Variants in PRKCE observed in about 807,000 individuals in gnomAD.
PRKCE encodes protein kinase C epsilon type.
A neutral mutation model predicts 85.4 loss-of-function variants in PRKCE; 16 were observed. That is an observed-to-expected ratio of 0.19 (90% CI 0.13 to 0.28). The LOEUF (loss-of-function observed/expected upper bound fraction) is 0.28. Ranked by LOEUF, PRKCE falls within the 10% of genes least tolerant of loss-of-function variation. PRKCE has a pLI of 1.00. For synonymous variants in PRKCE, 388 were observed against 371.5 expected (o/e 1.04, Z -0.51); for missense variants, 573 against 975.2 (o/e 0.59, Z 5.49).
intron 1 of PRKCE, among the ~76,000 whole-genome samples, chr2:45,740,930 T>TA (rs1241470213): frequency 6.6e-6 from 1 of 152,230 alleles, no homozygotes; most frequent in Non-Finnish European, 1.5e-5. Flanking sequence ...ATGGAGGTAA[T>TA]AAATACTTTC....
intron 9 of PRKCE, among the ~76,000 whole-genome samples, chr2:46,007,906 A>C (rs537393799): frequency 5.4e-4 from 82 of 152,304 alleles, no homozygotes; most frequent in African/African-American, 1.9e-3. Flanking sequence ...TCATTTGTTG[A>C]ATGGGGACAG....
chr2:45,653,164 C>T (rs547049405), intron 1 of PRKCE, among the ~76,000 whole-genome samples: 5 of 152,230 alleles, frequency 3.3e-5, no homozygotes, highest in Admixed American at 2.0e-4. Context: ...TATTGTTTCT[C>T]TGTTTTGATT....
At chr2:45,817,912 G>A (rs941723106) in intron 1 of PRKCE, among the ~76,000 whole-genome samples, 2 of 152,182 alleles carry the variant, frequency 1.3e-5, no homozygotes, top group African/African-American at 4.8e-5. Context: ...AAGTGTCTGG[G>A]CAAGCTACAG....
At chr2:45,785,073 C>T (rs1686489721) in intron 1 of PRKCE, among the ~76,000 whole-genome samples, 1 of 152,218 alleles carries the variant, frequency 6.6e-6, no homozygotes, top group Non-Finnish European at 1.5e-5. Flanking sequence ...ACCCTCTTCA[C>T]ACAGAGGCAG....
At chr2:45,926,843 T>G (rs1698657653) in intron 2 of PRKCE, among the ~76,000 whole-genome samples, 1 of 152,210 alleles carries the variant, frequency 6.6e-6, no homozygotes, top group African/African-American at 2.4e-5. Context: ...GAATGTGTGG[T>G]GTGTGCATGT....
chr2:45,667,108 C>T (rs1179036007), intron 1 of PRKCE, among the ~76,000 whole-genome samples: 2 of 152,088 alleles, frequency 1.3e-5, no homozygotes, highest in Non-Finnish European at 2.9e-5. Context: ...GTCAGGAGTT[C>T]GAGACCAGCC....
rs1415433849 is a variant in PRKCE, at chr2:45,905,973, T to C, written c.412+62910T>C. ...GGGGTGGGCAGGCTATCTTCAGCGGTGATGCGCTTTCAACCCTCCTCCCCT... is the reference window on the plus strand; with the variant it reads ...GGGGTGGGCAGGCTATCTTCAGCGGCGATGCGCTTTCAACCCTCCTCCCCT... On this transcript the variant is annotated intron_variant, in intron 2 of 14. Coordinates refer to ENST00000306156, the MANE Select transcript of PRKCE (RefSeq NM_005400.3). This position sits in a 1 kb window ranked among gnomAD's most constrained non-coding sequence, Gnocchi z 4.4. Among the ~76,000 whole-genome samples, 5 of 152,180 alleles carry C rather than the reference T, an allele frequency of 3.3e-5. No individual in the cohort carries two copies. Among genetic ancestry groups the C allele is most frequent in the Non-Finnish European group, 4.4e-5 (3 of 68,034 alleles).
intron 2 of PRKCE, among the ~76,000 whole-genome samples, chr2:45,902,221 T>C (rs1696632875): frequency 6.6e-6 from 1 of 152,178 alleles, no homozygotes. Flanking sequence ...TCATCTCTCG[T>C]AGTGCATGAG....
chr2:46,133,756 C>T (rs1446107570), intron 11 of PRKCE, among the ~76,000 whole-genome samples: 2 of 152,040 alleles, frequency 1.3e-5, no homozygotes, highest in Admixed American at 1.3e-4. Context: ...TCTGTGAACA[C>T]GAAGGCACCA....
intron 4 of PRKCE, 103 bp downstream of exon 4, chr2:45,979,113 C>T (rs1327262286): frequency 9.4e-7 from 1 of 1,068,576 alleles, no homozygotes; most frequent in East Asian, 2.4e-5. Context: ...TTTGGAGGCT[C>T]TCCACAGCTT....
intron 10 of PRKCE, among the ~76,000 whole-genome samples, chr2:46,036,242 C>G (rs953463499): frequency 6.6e-6 from 1 of 151,986 alleles, no homozygotes; most frequent in African/African-American, 2.4e-5. Flanking sequence ...GAGGTGGGGT[C>G]AGAGCGAGAG....
chr2:46,072,772 A>G (rs1668188673), intron 10 of PRKCE, among the ~76,000 whole-genome samples: 1 of 152,022 alleles, frequency 6.6e-6, no homozygotes, highest in Non-Finnish European at 1.5e-5. Flanking sequence ...GTAGGAAGCC[A>G]TGGTTTTGAT....
intron 10 of PRKCE, among the ~76,000 whole-genome samples, chr2:46,013,645 A>G (rs1393563339): frequency 6.6e-6 from 1 of 152,332 alleles, no homozygotes; most frequent in East Asian, 1.9e-4. Flanking sequence ...CTCTGATACA[A>G]CATTCAGGAA....
intron 10 of PRKCE, among the ~76,000 whole-genome samples, chr2:46,011,626 G>A (rs1173581712): frequency 6.6e-6 from 1 of 152,214 alleles, no homozygotes; most frequent in Non-Finnish European, 1.5e-5. Context: ...CATAGTTGGA[G>A]TCACTGCAAA....
intron 2 of PRKCE, among the ~76,000 whole-genome samples, chr2:45,854,338 CA>C (rs1692510380): frequency 6.6e-6 from 1 of 152,138 alleles, no homozygotes; most frequent in Admixed American, 6.5e-5. Flanking sequence ...GACAGATCAC[CA>C]AAACCCAGTG....
intron 1 of PRKCE, among the ~76,000 whole-genome samples, chr2:45,773,380 C>T (rs1458739998): frequency 1.3e-5 from 2 of 152,210 alleles, no homozygotes; most frequent in African/African-American, 2.4e-5. Context: ...GAGCCTGGCC[C>T]TGTGCTAAGC....
At chr2:46,150,926 C>G in intron 12 of PRKCE, 115 bp from the exon 13 acceptor site, 1 of 937,108 alleles carries the variant, frequency 1.1e-6, no homozygotes, top group Non-Finnish European at 1.6e-6. Context: ...GACTAGGACT[C>G]AACTGTAGGG....
intron 1 of PRKCE, among the ~76,000 whole-genome samples, chr2:45,743,904 C>T (rs1024918455): frequency 7.2e-5 from 11 of 152,078 alleles, no homozygotes; most frequent in Admixed American, 6.5e-4. Context: ...GACCTCATCC[C>T]CAGGCCTGGT....
chr2:45,744,462 T>G (rs866449874), intron 1 of PRKCE, among the ~76,000 whole-genome samples: 12 of 59,998 alleles, frequency 2.0e-4, no homozygotes, highest in Middle Eastern at 7.6e-3. Flanking sequence ...TCTTTCTTTC[T>G]TTCTTTCTTT....
Sources: gnomAD v4.1 joint callset for allele counts (sites outside exome capture counted in the v4.1 genomes callset) on GRCh38, gnomAD v4.1.1 for gene constraint, Gnocchi (gnomAD v3.1) non-coding constraint, MANE v1.5 for transcripts, NCBI Gene and HGNC (gene_info 2026-07-23, HGNC 2026-07-21) for gene names.